MKKS: variants seen among roughly 807,000 people sequenced by gnomAD.
MKKS encodes the protein MKKS centrosomal shuttling protein.
In MKKS, 29 loss-of-function variants were observed where a neutral mutation model predicts 33.2. The ratio of observed to expected loss-of-function variants is 0.87; its 90% CI spans 0.65 to 1.19. The LOEUF is 1.19. Ranked by LOEUF, MKKS falls within the 50% of genes most tolerant of loss-of-function variation. The pLI is 0.00. For synonymous variants in MKKS, 260 were observed against 244.0 expected (o/e 1.07, Z -0.61); for missense variants, 661 against 662.3 (o/e 1.00, Z 0.02).
chr20:10,419,673 G>A (rs144917789), intron 2 of MKKS, among the ~76,000 whole-genome samples: 1 of 152,296 alleles, frequency 6.6e-6, no homozygotes, highest in Non-Finnish European at 1.5e-5. Flanking sequence ...ACAGTTACCT[G>A]AACATAAGCG....
intron 2 of MKKS, among the ~76,000 whole-genome samples, chr20:10,415,843 C>A (rs1371974467): frequency 6.6e-6 from 1 of 152,036 alleles, no homozygotes; most frequent in African/African-American, 2.4e-5. Context: ...GTACACATAT[C>A]TTTTGGCTAG....
intron 1 of MKKS, among the ~76,000 whole-genome samples, chr20:10,421,269 A>AAAGTGT (rs1555802653): frequency 6.6e-6 from 1 of 151,920 alleles, no homozygotes; most frequent in Non-Finnish European, 1.5e-5. Context: ...GTTTCTACTA[A>AAAGTGT]AAGTATTAGT....
At chr20:10,431,862 A>G (rs1355549265) in intron 1 of MKKS, 1 of 152,190 alleles carries the variant, frequency 6.6e-6, no homozygotes. Context: ...TTCAGCTCTT[A>G]GTTCAGATGT....
At chr20:10,424,821 G>A (rs1476449818) in intron 1 of MKKS, among the ~76,000 whole-genome samples, 1 of 152,102 alleles carries the variant, frequency 6.6e-6, no homozygotes, top group African/African-American at 2.4e-5. Context: ...GGAGGCCGAG[G>A]CAGGTGGATC....
intron 1 of MKKS, among the ~76,000 whole-genome samples, chr20:10,422,728 G>A (rs1055333259): frequency 1.1e-5 from 1 of 86,960 alleles, no homozygotes; most frequent in Non-Finnish European, 2.4e-5. Context: ...TTTTTTTTTT[G>A]TGAGACAGAG....
intron 2 of MKKS, among the ~76,000 whole-genome samples, chr20:10,417,148 G>A (rs139913835): frequency 0.012 from 1,862 of 151,128 alleles, 40 homozygotes; most frequent in African/African-American, 0.042. Flanking sequence ...TTACTCGGGA[G>A]GTTGAAGCAG....
chr20:10,421,132 A>T (rs1004990388), intron 1 of MKKS, among the ~76,000 whole-genome samples: 1 of 152,144 alleles, frequency 6.6e-6, no homozygotes, highest in African/African-American at 2.4e-5. Context: ...TATATTTTTT[A>T]AAAATTATAA....
At chr20:10,429,502 C>T (rs530216774) in intron 1 of MKKS, among the ~76,000 whole-genome samples, 22 of 152,172 alleles carry the variant, frequency 1.4e-4, no homozygotes, top group African/African-American at 3.9e-4. Context: ...TTGAACTAAC[C>T]GTCCCCACAA....
chr20:10,422,467 A>G (rs973247714), intron 1 of MKKS, among the ~76,000 whole-genome samples: 1 of 152,138 alleles, frequency 6.6e-6, no homozygotes, highest in Non-Finnish European at 1.5e-5. Flanking sequence ...TAAGGGTACA[A>G]TAAAATAACT....
At position 10,430,431 on chromosome 20, in the gene MKKS, G is replaced by A. The variant is rs12624847; in HGVS notation, c.-649+3677C>T. Reference sequence around the variant, plus strand: ...TCACAATACTTGGCACTTTGTCTGGGCTCAGTAATTGTTAGCTATTATTAT... The same window carrying A: ...TCACAATACTTGGCACTTTGTCTGGACTCAGTAATTGTTAGCTATTATTAT... On this transcript the variant is annotated intron_variant, in intron 1 of 5. Transcript: ENST00000347364. Among the ~76,000 whole-genome samples, 387 of 151,696 alleles carry A rather than the reference G, an allele frequency of 2.6e-3. 12 individuals carry two copies. The East Asian group carries it at 0.068, about 27-fold the overall frequency.
Position 10,420,602 on chromosome 20 carries a change from C to T in MKKS, c.-492G>A, listed in dbSNP as rs1304112869. 5.9e-5 allele frequency: 9 copies of T among 152,200 alleles called. No homozygotes were observed. Among genetic ancestry groups the T allele is most frequent in the Admixed American group, 5.9e-4 (9 of 15,282 alleles). The allele number at this position is 152,200 out of a possible 1,614,324, so 9.4% of individuals were successfully genotyped here. A position where few individuals can be genotyped will look rare whatever the true frequency, so the allele number is the denominator to read the frequency against. On this transcript the variant is annotated 5_prime_UTR_variant, in exon 2 of 6. Coordinates refer to ENST00000347364, the MANE Select transcript of MKKS (RefSeq NM_170784.3). ...TTTGAAAGTCCCAGACTATCTTGCTCAGGAATGTCGTCGTTTTTAGGTATT... is the reference window on the plus strand; with the variant it reads ...TTTGAAAGTCCCAGACTATCTTGCTTAGGAATGTCGTCGTTTTTAGGTATT...
At chr20:10,412,493 TTAACTG>T (rs2064896360) in intron 3 of MKKS, 31 bp downstream of exon 3, 1 of 1,604,682 alleles carries the variant, frequency 6.2e-7, no homozygotes, top group Non-Finnish European at 8.5e-7. Context: ...GTGTGATTTA[TTAACTG>T]TAAGAGGCAA....
In MKKS at chr20:10,432,498, A is replaced by G. The variant is rs1471788517; in HGVS notation, c.-649+1610T>C. ...CCAGATGCTCAGGTCCCTGATTTAA[A>G]AATTGTGTAGTAGGCCAGACGCCGT... On this transcript the variant is annotated intron_variant, in intron 1 of 5. Coordinates refer to ENST00000347364, the MANE Select transcript of MKKS (RefSeq NM_170784.3). 2.0e-5 allele frequency among the ~76,000 whole-genome samples: 3 copies of G among 152,160 alleles called. No individual in the cohort carries two copies. In the East Asian group the frequency reaches 5.8e-4, roughly 29 times the overall value.
chr20:10,424,574 T>A (rs558744559), intron 1 of MKKS, among the ~76,000 whole-genome samples: 9 of 152,148 alleles, frequency 5.9e-5, no homozygotes, highest in African/African-American at 2.2e-4. Context: ...AGCTCATTGC[T>A]AGTTTTACAA....
At position 10,412,955 on chromosome 20, in the gene MKKS, G is replaced by T; in HGVS notation, c.560C>A (p.Pro187Gln). The T allele has an allele frequency of 6.2e-7, 1 of 1,613,892 alleles. No individual in the cohort carries two copies. The highest frequency in any genetic ancestry group is 8.5e-7 in the Non-Finnish European group (1 of 1,179,978). ...LILRAFLLTI[P>Q]ENAEGHIILG... The stretch of plus-strand genomic sequence containing the variant: ...AATGATGTGGCCTTCAGCATTTTCT[G>T]GAATTGTAAGCAAAAAGGCTCTCAG... The change falls in exon 3 of 6, where the codon CCA becomes CAA. Residue 187 changes from proline to glutamine, a missense_variant. Transcript: ENST00000347364.
Position 10,409,394 on chromosome 20 carries a change from ATATT to A in MKKS, c.986-595_986-592del, listed in dbSNP as rs2064864736. 2.0e-5 allele frequency among the ~76,000 whole-genome samples: 3 copies of A among 152,304 alleles called. No homozygotes were observed. The East Asian group carries it at 5.8e-4, about 29-fold the overall frequency. On this transcript the variant is annotated intron_variant, in intron 3 of 5. Coordinates refer to ENST00000347364, the MANE Select transcript of MKKS (RefSeq NM_170784.3). ...GCTTATTTCACTGCTATTATTTGATATATTAAGTATTTTGTCCTCCTACCTGCAC... is the reference window on the plus strand; with the variant it reads ...GCTTATTTCACTGCTATTATTTGATAAAGTATTTTGTCCTCCTACCTGCAC...
intron 3 of MKKS, among the ~76,000 whole-genome samples, chr20:10,410,654 G>A (rs1036187164): frequency 2.6e-5 from 4 of 152,066 alleles, no homozygotes; most frequent in African/African-American, 9.7e-5. Context: ...TCTGTAAGCT[G>A]CAATATGCTT....
chr20:10,420,372 G>C (rs924242619), intron 2 of MKKS, among the ~76,000 whole-genome samples, 156 bp downstream of exon 2: 4 of 152,124 alleles, frequency 2.6e-5, no homozygotes, highest in African/African-American at 9.7e-5. Flanking sequence ...AACTTTTCTA[G>C]AAACAACTGC....
Position 10,405,225 on chromosome 20 carries a change from G to A in MKKS, c.*22C>T, listed in dbSNP as rs948008448. 1.3e-6 allele frequency: 2 copies of A among 1,573,286 alleles called. No homozygotes were observed. The highest frequency in any genetic ancestry group is 8.7e-7 in the Non-Finnish European group (1 of 1,152,520). On this transcript the variant is annotated 3_prime_UTR_variant, in exon 6 of 6. Transcript: ENST00000347364. The stretch of plus-strand genomic sequence containing the variant: ...ACAGACTAGTTTATTTGTTTCTCTT[G>A]TAATACGAACATGCTATTCTCTTAG...
Sources: allele counts gnomAD v4.1 joint callset (sites outside exome capture counted in the v4.1 genomes callset), GRCh38; gene constraint gnomAD v4.1.1; transcripts MANE v1.5; gene names NCBI Gene and HGNC (gene_info 2026-07-23, HGNC 2026-07-21).